The following RBBP8 variants were observed in gnomAD, a reference collection of about 807,000 sequenced individuals.
The protein encoded by RBBP8 is RB binding protein 8, endonuclease.
In RBBP8, 88 loss-of-function variants were observed where a neutral mutation model predicts 108.3. The ratio of observed to expected loss-of-function variants is 0.81; its 90% CI spans 0.68 to 0.97. RBBP8 has a LOEUF of 0.97. Among genes scored for constraint, RBBP8 ranks in the 50% least tolerant of loss-of-function variants. The pLI, the probability that RBBP8 is intolerant of heterozygous loss-of-function variation, is 0.00. For synonymous variants in RBBP8, 332 were observed against 348.2 expected, an observed-to-expected ratio of 0.95 and a Z score of 0.52; for missense variants, 1,023 against 1,049.0, an observed-to-expected ratio of 0.98 and a Z score of 0.34.
intron 5 of RBBP8, among the ~76,000 whole-genome samples, chr18:22,969,736 C>A (rs1202456682): frequency 6.6e-6 from 1 of 151,988 alleles, no homozygotes; most frequent in Non-Finnish European, 1.5e-5. Context: ...CTTGTTAGAC[C>A]CCGCTTCCCT....
At chr18:22,929,955 T>C (rs1181861761), upstream of RBBP8, among the ~76,000 whole-genome samples, 1 of 152,204 alleles carries the variant, frequency 6.6e-6, no homozygotes, top group African/African-American at 2.4e-5. Flanking sequence ...ATGACTTTAG[T>C]GATATCAGTC....
chr18:22,989,202 G>T lies in RBBP8; in HGVS notation c.710-19G>T. 1.3e-6 allele frequency: 2 copies of T among 1,538,722 alleles called. No individual in the cohort carries two copies. Among genetic ancestry groups the T allele is most frequent in the East Asian group, 2.3e-5 (1 of 44,134 alleles). On this transcript the variant is annotated intron_variant, in intron 8 of 18. Coordinates refer to ENST00000327155, the MANE Select transcript of RBBP8 (RefSeq NM_002894.3). Reference sequence around the variant, plus strand: ...ATTGGTTTTATTATTTATTAAAATGGTTTATTATTTATTCTTAGAAGCACA... The same window carrying T: ...ATTGGTTTTATTATTTATTAAAATGTTTTATTATTTATTCTTAGAAGCACA...
chr18:22,971,014 G>T (rs555804717), intron 5 of RBBP8, among the ~76,000 whole-genome samples: 1 of 152,262 alleles, frequency 6.6e-6, no homozygotes, highest in South Asian at 2.1e-4. Flanking sequence ...TTTAGAATTT[G>T]CAGGCATTCA....
At chr18:22,976,264 G>A (rs1914490951) in intron 6 of RBBP8, among the ~76,000 whole-genome samples, 1 of 152,036 alleles carries the variant, frequency 6.6e-6, no homozygotes, top group Admixed American at 6.5e-5. Flanking sequence ...GGAATTTTGA[G>A]GAGAAATAAT....
At chr18:22,964,524 T>C (rs1913404835) in intron 4 of RBBP8, among the ~76,000 whole-genome samples, 1 of 151,656 alleles carries the variant, frequency 6.6e-6, no homozygotes, top group African/African-American at 2.4e-5. Flanking sequence ...TCTAGAATAA[T>C]TGCCCAGTTT....
In RBBP8 at chr18:22,993,323, C is replaced by G. The variant is rs753606965; in HGVS notation, c.1496C>G (p.Ala499Gly). The change falls in exon 11 of 19, where the codon GCT becomes GGT. Residue 499 changes from alanine (A) to glycine (G), a missense_variant. Physicochemically the swap from Ala to Gly is moderately conservative, Grantham distance 60. Coordinates refer to ENST00000327155, the MANE Select transcript of RBBP8 (RefSeq NM_002894.3). Reference sequence around the variant, plus strand: ...CTGGATCTGTCTGATCGATTTTCAGCTATTCAGCGTCAAGAGAAAAGCCAA... The same window carrying G: ...CTGGATCTGTCTGATCGATTTTCAGGTATTCAGCGTCAAGAGAAAAGCCAA... Reference protein sequence around the residue: ...KPLDLSDRFSAIQRQEKSQGS... With the variant: ...KPLDLSDRFSGIQRQEKSQGS... 15 of 1,614,114 alleles carry G rather than the reference C, an allele frequency of 9.3e-6. No individual in the cohort carries two copies. The South Asian group carries it at 1.6e-4, about 18-fold the overall frequency.
intron 16 of RBBP8, among the ~76,000 whole-genome samples, chr18:23,012,553 A>G (rs1274592130): frequency 8.3e-6 from 1 of 121,168 alleles, no homozygotes; most frequent in Non-Finnish European, 2.0e-5. Context: ...TGCCTAATCC[A>G]GAGCAAGCCT....
chr18:23,019,569 C>G (rs1386273320), intron 17 of RBBP8, among the ~76,000 whole-genome samples: 1 of 152,098 alleles, frequency 6.6e-6, no homozygotes, highest in Non-Finnish European at 1.5e-5. Context: ...AATATCTGCC[C>G]TCAATTCCCA....
Position 22,982,375 on chromosome 18 carries a change from C to T in RBBP8, c.586C>T (p.His196Tyr), listed in dbSNP as rs1406664094. 6.2e-7 allele frequency: 1 copy of T among 1,614,052 alleles called. No individual in the cohort carries two copies. The highest frequency in any genetic ancestry group is 1.1e-5 in the South Asian group (1 of 91,084). ...AGAACAAACACATACTAAATTGGAG[C>T]ACTCTGTGTGTGCAAATGGTAAGAG... Reference protein sequence around the residue: ...YIEQTHTKLEHSVCANEMRKV... With the variant: ...YIEQTHTKLEYSVCANEMRKV... Residue 196 changes from histidine (H) to tyrosine (Y), a missense_variant, in exon 7 of 19, where the codon CAC becomes TAC. Coordinates refer to ENST00000327155, the MANE Select transcript of RBBP8 (RefSeq NM_002894.3).
intron 13 of RBBP8, among the ~76,000 whole-genome samples, chr18:22,997,318 T>A (rs2045876678): frequency 6.6e-6 from 1 of 152,190 alleles, no homozygotes; most frequent in Non-Finnish European, 1.5e-5. Context: ...TTCATTACTA[T>A]AAGGCAAATT....
In RBBP8 at chr18:23,001,624, T is replaced by G. The variant is rs2045949099; in HGVS notation, c.2182T>G (p.Phe728Val). Residue 728 changes from phenylalanine (F) to valine (V), a missense_variant, in exon 15 of 19, where the codon TTT (phenylalanine) becomes GTT (valine). Physicochemically the swap from Phe to Val is conservative, Grantham distance 50. Transcript: ENST00000327155. ...RKMNDSLEDM[F>V]DRTTHEEYES... ...AATGAATGATAGCTTGGAAGATATG[T>G]TTGATCGGACAACACATGAAGAGTA... 2 of 1,614,122 alleles carry G rather than the reference T, an allele frequency of 1.2e-6. No homozygotes were observed. Among genetic ancestry groups the G allele is most frequent in the Non-Finnish European group, 1.7e-6 (2 of 1,179,996 alleles).
intron 12 of RBBP8, among the ~76,000 whole-genome samples, 167 bp downstream of exon 12, chr18:22,994,014 C>CTTTTTTTTTTTTTTTT (rs777055614): frequency 2.7e-5 from 2 of 75,104 alleles, no homozygotes; most frequent in Non-Finnish European, 4.5e-5. Flanking sequence ...TTTTTCTGTT[C>CTTTTTTTTTTTTTTTT]TTTTTTTTTT....
At chr18:23,016,785 T>C in intron 16 of RBBP8, 43 bp from the exon 17 acceptor site, 1 of 1,359,112 alleles carries the variant, frequency 7.4e-7, no homozygotes, top group South Asian at 1.2e-5. Context: ...TTATTTCTCC[T>C]CTGAACTCTA....
intron 4 of RBBP8, among the ~76,000 whole-genome samples, chr18:22,955,886 A>G (rs1444855597): frequency 2.0e-5 from 3 of 152,036 alleles, no homozygotes; most frequent in Non-Finnish European, 4.4e-5. Flanking sequence ...GGCCAGGTTT[A>G]TATCTTAAAT....
chr18:22,963,090 T>A (rs979029395), intron 4 of RBBP8, among the ~76,000 whole-genome samples: 7 of 152,036 alleles, frequency 4.6e-5, no homozygotes, highest in African/African-American at 1.7e-4. Context: ...CATAATTAAG[T>A]TCTCCTTCTT....
At chr18:23,022,658 T>TAAAAA (rs1234771238) in intron 18 of RBBP8, among the ~76,000 whole-genome samples, 1 of 83,758 alleles carries the variant, frequency 1.2e-5, no homozygotes, top group Non-Finnish European at 2.9e-5. Context: ...CAATATAAAA[T>TAAAAA]AAAATAAAAT....
chr18:22,935,755 T>G (rs1476469126), intron 1 of RBBP8, among the ~76,000 whole-genome samples: 1 of 152,230 alleles, frequency 6.6e-6, no homozygotes, highest in Non-Finnish European at 1.5e-5. Flanking sequence ...TATTAAAATA[T>G]TTACTAATCC....
chr18:23,001,363 CATAG>C (rs2045944076), intron 14 of RBBP8, among the ~76,000 whole-genome samples: 1 of 152,172 alleles, frequency 6.6e-6, no homozygotes. Flanking sequence ...AGGTTTGTAA[CATAG>C]ATAAACACGT....
At chr18:22,926,300 G>C (rs889621045) in intron 3 of RBBP8, among the ~76,000 whole-genome samples, 1 of 152,176 alleles carries the variant, frequency 6.6e-6, no homozygotes, top group Non-Finnish European at 1.5e-5. Context: ...CCACATGTCT[G>C]TAATCCTAAC....
Sources: gnomAD v4.1 joint callset for allele counts (sites outside exome capture counted in the v4.1 genomes callset) on GRCh38, gnomAD v4.1.1 for gene constraint, MANE v1.5 for transcripts, NCBI Gene and HGNC (gene_info 2026-07-23, HGNC 2026-07-21) for gene names.